The following CCR3 variants were observed in gnomAD, a reference collection of about 807,000 sequenced individuals.
CCR3 encodes C-C motif chemokine receptor 3, also known as C-C chemokine receptor type 3.
For missense variants in CCR3, 419 were observed against 437.5 expected (o/e 0.96, Z 0.38); for synonymous variants, 203 against 179.2 (o/e 1.13, Z -1.06).
intron 1 of CCR3, chr3:46,264,678 T>C: frequency 2.0e-6 from 1 of 492,154 alleles, no homozygotes; most frequent in Non-Finnish European, 3.5e-6. Context: ...TAATTACTTG[T>C]AATTGTAATA....
chr3:46,242,068 G>T (rs1266567814), upstream of CCR3, among the ~76,000 whole-genome samples: 1 of 151,702 alleles, frequency 6.6e-6, no homozygotes, highest in Non-Finnish European at 1.5e-5. Context: ...AGGAGGTGGA[G>T]GTTGCAGTGA....
At chr3:46,220,107 A>C (rs751435961) in intron 2 of CCR3, among the ~76,000 whole-genome samples, 1 of 152,234 alleles carries the variant, frequency 6.6e-6, no homozygotes, top group Non-Finnish European at 1.5e-5. Flanking sequence ...AAAATGGTGA[A>C]TATCCAGAAT....
intron 2 of CCR3, among the ~76,000 whole-genome samples, chr3:46,218,477 G>A (rs184075633): frequency 9.2e-4 from 140 of 152,090 alleles, no homozygotes; most frequent in Non-Finnish European, 5.2e-4. Flanking sequence ...ATTCTATGAA[G>A]CTAGTATTAC....
intron 2 of CCR3, among the ~76,000 whole-genome samples, chr3:46,220,226 C>T (rs997463062): frequency 3.3e-5 from 5 of 152,102 alleles, no homozygotes; most frequent in Admixed American, 1.3e-4. Flanking sequence ...GGACAACAAA[C>T]ATATGAAAAA....
chr3:46,244,455 G>A (rs1050943478), intron 1 of CCR3, among the ~76,000 whole-genome samples: 3 of 152,188 alleles, frequency 2.0e-5, no homozygotes, highest in African/African-American at 7.2e-5. Context: ...CAGGCAGGCT[G>A]AGTCCGAAAA....
In CCR3 at chr3:46,266,393, C is replaced by T; in HGVS notation, c.*167C>T. 1 of 592,480 alleles carries T rather than the reference C, an allele frequency of 1.7e-6. No individual in the cohort carries two copies. The highest frequency in any genetic ancestry group is 2.8e-5 in the East Asian group (1 of 35,192). The allele number at this position is 592,480 out of a possible 1,614,324, so 36.7% of individuals were successfully genotyped here. ...AGCAGTAGCAGTAGATGCATGTACC[C>T]TAAGGTCATTACCACAGGCCAGGGG... is the stretch of plus-strand genomic sequence containing the variant. On this transcript the variant is annotated 3_prime_UTR_variant, in exon 2 of 2. Transcript: ENST00000395940.
chr3:46,218,844 C>T (rs1211409169), intron 2 of CCR3, among the ~76,000 whole-genome samples: 5 of 152,024 alleles, frequency 3.3e-5, no homozygotes, highest in Admixed American at 6.5e-5. Flanking sequence ...TAATCAAAGC[C>T]GTCTATGACA....
intron 1 of CCR3, among the ~76,000 whole-genome samples, chr3:46,248,277 T>G (rs942358082): frequency 2.6e-5 from 4 of 152,130 alleles, no homozygotes; most frequent in Non-Finnish European, 5.9e-5. Flanking sequence ...AGAAAGTATA[T>G]GCATCAGGTA....
intron 2 of CCR3, among the ~76,000 whole-genome samples, chr3:46,213,707 A>C (rs1415923901): frequency 6.6e-6 from 1 of 152,162 alleles, no homozygotes; most frequent in Non-Finnish European, 1.5e-5. Flanking sequence ...GTAGCTCTTC[A>C]TACTTCCTGC....
At chr3:46,212,108 C>G (rs34047458) in intron 2 of CCR3, among the ~76,000 whole-genome samples, 10,434 of 152,180 alleles carry the variant, frequency 0.069, 586 homozygotes, top group South Asian at 0.27. Context: ...GTTCTCCTTT[C>G]GTGATACAAC....
chr3:46,242,952 CATATATATGTGTATATATAT>C (rs1219669332), intron 1 of CCR3, among the ~76,000 whole-genome samples: 2 of 77,024 alleles, frequency 2.6e-5, no homozygotes, highest in Admixed American at 2.7e-4. Flanking sequence ...TATAATTTTA[CATATATATGTGTATATATAT>C]ATATATACAC....
intron 1 of CCR3, among the ~76,000 whole-genome samples, chr3:46,250,880 A>T (rs557499276): frequency 6.6e-6 from 1 of 151,838 alleles, no homozygotes; most frequent in South Asian, 2.1e-4. Context: ...GGGCACAGAG[A>T]TAAGAGGTCT....
At chr3:46,237,854 G>A (rs1700039762), upstream of CCR3, among the ~76,000 whole-genome samples, 1 of 152,160 alleles carries the variant, frequency 6.6e-6, no homozygotes, top group Admixed American at 6.5e-5. Context: ...AAGATCATTT[G>A]TTATGAAGCT....
At chr3:46,222,489 A>T (rs952570615) in intron 2 of CCR3, among the ~76,000 whole-genome samples, 8 of 152,114 alleles carry the variant, frequency 5.3e-5, no homozygotes, top group Non-Finnish European at 1.2e-4. Context: ...GCTAGTAGAG[A>T]ACTCAGGAGA....
In CCR3 at chr3:46,254,471, G is replaced by C. The variant is rs544640950; in HGVS notation, c.-11-10677G>C. 1.2e-4 allele frequency among the ~76,000 whole-genome samples: 17 copies of C among 139,214 alleles called. No individual in the cohort carries two copies. The East Asian group carries it at 3.5e-3, about 29-fold the overall frequency. The allele number at this position is 139,214 out of a possible 152,430, so 91.3% of individuals were successfully genotyped here. On this transcript the variant is annotated intron_variant, in intron 1 of 1. Transcript: ENST00000395940. ...TAAAGGGGAAGTATTTTTCCCCCCT[G>C]GGTTCAAAGTTCTTTTTTAAAAAAA...
chr3:46,237,867 A>C (rs757180438), upstream of CCR3, among the ~76,000 whole-genome samples: 5 of 152,248 alleles, frequency 3.3e-5, no homozygotes. Flanking sequence ...ATGAAGCTAC[A>C]GTAACCAGAA....
intron 1 of CCR3, chr3:46,264,656 C>G (rs1223534680): frequency 1.9e-6 from 1 of 515,910 alleles, no homozygotes; most frequent in East Asian, 3.6e-5. Flanking sequence ...ATTATGGGGC[C>G]CTGGAGAAGC....
chr3:46,252,320 G>T (rs1700329825), intron 1 of CCR3, among the ~76,000 whole-genome samples: 1 of 151,208 alleles, frequency 6.6e-6, no homozygotes, highest in South Asian at 2.1e-4. Flanking sequence ...GAATTACAGG[G>T]GTGCACCACT....
chr3:46,253,278 A>G (rs903898193), intron 1 of CCR3, among the ~76,000 whole-genome samples: 6 of 152,002 alleles, frequency 3.9e-5, no homozygotes, highest in Non-Finnish European at 8.8e-5. Flanking sequence ...GGATAATTCT[A>G]CTCAAGGTGT....
Sources: allele counts gnomAD v4.1 joint callset (sites outside exome capture counted in the v4.1 genomes callset), GRCh38; gene constraint gnomAD v4.1.1; transcripts MANE v1.5; gene names NCBI Gene and HGNC (gene_info 2026-07-23, HGNC 2026-07-21).